CSMD3: variants seen among roughly 807,000 people sequenced by gnomAD.
CSMD3 encodes CUB and sushi domain-containing protein 3.
CSMD3 carries 177 observed loss-of-function variants against 435.2 expected under a neutral mutation model. The observed-to-expected ratio is 0.41, with a 90% CI of 0.36 to 0.46. The LOEUF is 0.46. CSMD3 is among the 20% of genes least tolerant of loss of function. The probability of loss-of-function intolerance (pLI) is 0.34; values close to 1 mark genes in which losing one functional copy is unlikely to be tolerated. For synonymous variants in CSMD3, 1,656 were observed against 1,520.5 expected (o/e 1.09, Z -2.07); for missense variants, 4,265 against 4,504.6 (o/e 0.95, Z 1.52).
At chr8:112,648,945 G>T (rs1024231050) in intron 19 of CSMD3, among the ~76,000 whole-genome samples, 2 of 152,170 alleles carry the variant, frequency 1.3e-5, no homozygotes, top group Non-Finnish European at 2.9e-5. Context: ...AGATATGGAT[G>T]AATTGAATAC....
intron 22 of CSMD3, among the ~76,000 whole-genome samples, chr8:112,599,751 C>T (rs1245590595): frequency 6.6e-6 from 1 of 150,966 alleles, no homozygotes; most frequent in Non-Finnish European, 1.5e-5. Flanking sequence ...TCATCATTCT[C>T]AGTAAACTAT....
rs1027301560 is a variant in CSMD3 at position 112,797,374 on chromosome 8, C to T, written c.1972+2788G>A. Among the ~76,000 whole-genome samples, 10 of 151,750 alleles carry T rather than the reference C, an allele frequency of 6.6e-5. No homozygotes were observed. In the South Asian group the frequency reaches 8.3e-4, roughly 13 times the overall value. The stretch of plus-strand genomic sequence containing the variant: ...TCTATTTTGAGTTTCTAACAGAAAA[C>T]GTCATTTGAAATTATATTTCCTTTA... On this transcript the variant is annotated intron_variant, in intron 13 of 70. Transcript: ENST00000297405.
chr8:112,692,333 C>T (rs2076155784), intron 13 of CSMD3, among the ~76,000 whole-genome samples: 1 of 151,924 alleles, frequency 6.6e-6, no homozygotes, highest in Admixed American at 6.6e-5. Flanking sequence ...AAGTTTGTAG[C>T]TTATGTTTTG....
chr8:112,502,671 G>GT (rs1822094495), intron 30 of CSMD3, among the ~76,000 whole-genome samples: 3 of 132,574 alleles, frequency 2.3e-5, no homozygotes, highest in African/African-American at 8.4e-5. Flanking sequence ...TGTAATATTT[G>GT]ATTTTTTAAA....
At chr8:112,560,873 T>C (rs1477157110) in intron 24 of CSMD3, among the ~76,000 whole-genome samples, 1 of 151,728 alleles carries the variant, frequency 6.6e-6, no homozygotes. Context: ...AGATGCAATG[T>C]ATTTTGAGTT....
At chr8:112,411,556 T>C (rs1487223695) in intron 32 of CSMD3, among the ~76,000 whole-genome samples, 1 of 152,020 alleles carries the variant, frequency 6.6e-6, no homozygotes, top group African/African-American at 2.4e-5. Context: ...TTAAAGTACA[T>C]GCCTAGTAAG....
chr8:113,197,288 C>A (rs1472848154), intron 3 of CSMD3, among the ~76,000 whole-genome samples: 6 of 150,694 alleles, frequency 4.0e-5, no homozygotes, highest in African/African-American at 1.5e-4. Flanking sequence ...ATAGAATTGC[C>A]TTCAGCCTAT....
intron 7 of CSMD3, among the ~76,000 whole-genome samples, chr8:112,957,062 C>T (rs561527500): frequency 1.3e-5 from 2 of 151,792 alleles, no homozygotes; most frequent in South Asian, 4.2e-4. Context: ...TAATGTATAT[C>T]TCCTAATAAA....
intron 5 of CSMD3, among the ~76,000 whole-genome samples, chr8:113,065,607 C>A (rs988674928): frequency 3.3e-5 from 5 of 152,120 alleles, no homozygotes; most frequent in African/African-American, 1.2e-4. Flanking sequence ...CCAAGATGGT[C>A]TCGATCTCCT....
At chr8:112,316,230 A>G (rs1159520099) in intron 47 of CSMD3, among the ~76,000 whole-genome samples, 1 of 151,748 alleles carries the variant, frequency 6.6e-6, no homozygotes, top group Non-Finnish European at 1.5e-5. Flanking sequence ...TTTTTTGGAT[A>G]TTATTTCAGT....
At chr8:113,268,387 A>G (rs2093490300) in intron 3 of CSMD3, among the ~76,000 whole-genome samples, 1 of 151,872 alleles carries the variant, frequency 6.6e-6, no homozygotes, top group Non-Finnish European at 1.5e-5. Flanking sequence ...TATAACATTA[A>G]AACATATAAA....
At chr8:112,891,014 A>G (rs962277886) in intron 10 of CSMD3, among the ~76,000 whole-genome samples, 1 of 151,666 alleles carries the variant, frequency 6.6e-6, no homozygotes, top group Non-Finnish European at 1.5e-5. Flanking sequence ...ATACATATTA[A>G]TATTTATATG....
chr8:112,485,399 A>C (rs914624248), intron 31 of CSMD3, among the ~76,000 whole-genome samples: 1 of 152,132 alleles, frequency 6.6e-6, no homozygotes, highest in African/African-American at 2.4e-5. Context: ...TTTTGTCTGC[A>C]TGCTTTAATT....
intron 23 of CSMD3, among the ~76,000 whole-genome samples, chr8:112,579,514 T>G (rs938137900): frequency 6.6e-6 from 1 of 152,000 alleles, no homozygotes; most frequent in Admixed American, 6.6e-5. Context: ...TTCCAATAAT[T>G]AGAAAATTTT....
intron 1 of CSMD3, among the ~76,000 whole-genome samples, chr8:113,375,911 G>A (rs1357054911): frequency 6.6e-6 from 1 of 152,100 alleles, no homozygotes; most frequent in East Asian, 1.9e-4. Context: ...AATTAATTTT[G>A]TGTATGATAT....
chr8:112,311,100 A>G lies in CSMD3; in HGVS notation c.7763T>C (p.Leu2588Pro). Reference protein sequence around the residue: ...GYIISQTGGQLNSVVRWACDR... With the variant: ...GYIISQTGGQPNSVVRWACDR... ...ACAGGCCCAACGGACCACACTGTTA[A>G]GCTGCCCACCTGTCTGACTGATAAT... The change falls in exon 50 of 71, where the codon CTT (leucine) becomes CCT (proline). Residue 2588 changes from leucine to proline, a missense_variant. Coordinates refer to ENST00000297405, the MANE Select transcript of CSMD3 (RefSeq NM_198123.2). 1.2e-6 allele frequency: 2 copies of G among 1,614,100 alleles called. No individual in the cohort carries two copies. The highest frequency in any genetic ancestry group is 1.7e-6 in the Non-Finnish European group (2 of 1,179,978).
At chr8:112,967,356 A>G (rs1007600376) in intron 7 of CSMD3, among the ~76,000 whole-genome samples, 1 of 151,904 alleles carries the variant, frequency 6.6e-6, no homozygotes, top group Non-Finnish European at 1.5e-5. Context: ...CTCATTTTTG[A>G]GGCCTAAAAG....
rs80184135 is a variant in CSMD3, at chr8:113,368,386, T to C, written c.179-53593A>G. ...TTTGAATTACTAGACTTATCACTGG[T>C]CTTCAGTCCCCAGAACTTTACACTT... is the stretch of plus-strand genomic sequence containing the variant. On this transcript the variant is annotated intron_variant, in intron 1 of 70. Transcript: ENST00000297405. 5.1e-4 allele frequency among the ~76,000 whole-genome samples: 78 copies of C among 152,260 alleles called. 1 individual carries two copies. The East Asian group carries it at 0.012, about 23-fold the overall frequency.
At chr8:112,811,806 A>G (rs547366328) in intron 12 of CSMD3, among the ~76,000 whole-genome samples, 189 of 152,200 alleles carry the variant, frequency 1.2e-3, no homozygotes, top group African/African-American at 4.3e-3. Context: ...TATTTTAATT[A>G]TATTTTCTCA....
Sources: allele counts gnomAD v4.1 joint callset (sites outside exome capture counted in the v4.1 genomes callset), GRCh38; gene constraint gnomAD v4.1.1; transcripts MANE v1.5; gene names NCBI Gene and HGNC (gene_info 2026-07-23, HGNC 2026-07-21).